The following TSPOAP1 variants were observed in gnomAD, a reference collection of about 807,000 sequenced individuals.
The protein encoded by TSPOAP1 is TSPO associated protein 1, also known as peripheral-type benzodiazepine receptor-associated protein 1.
TSPOAP1 carries 87 observed loss-of-function variants against 197.0 expected under a neutral mutation model. That is an observed-to-expected ratio of 0.44 (90% CI 0.37 to 0.53). The LOEUF (loss-of-function observed/expected upper bound fraction) is 0.53, where lower values mean the gene tolerates loss of function less well. Among genes scored for constraint, TSPOAP1 ranks in the 20% least tolerant of loss-of-function variants. The pLI is 0.00. For missense variants in TSPOAP1, 2,174 were observed against 2,411.3 expected, an observed-to-expected ratio of 0.90 and a Z score of 2.06; for synonymous variants, 913 against 998.9, an observed-to-expected ratio of 0.91 and a Z score of 1.62.
At position 58,311,639 on chromosome 17, in the gene TSPOAP1, T is replaced by C; in HGVS notation, c.3013A>G (p.Ile1005Val). ...ILIISWLPVT[I>V]DAAGTSNGVR... ...CCGTTGGATGTGCCAGCAGCATCGA[T>C]GGTGACTGGGAGCCAACTGATGATC... Residue 1005 changes from isoleucine to valine, a missense_variant, in exon 18 of 32, where the codon ATC (isoleucine) becomes GTC (valine). This residue lies in a region of TSPOAP1 where 1,933 missense variants were observed against 2,139.0 expected (regional missense o/e 0.90). Transcript: ENST00000343736. 2.5e-6 allele frequency: 4 copies of C among 1,611,290 alleles called. No individual in the cohort carries two copies. The highest frequency in any genetic ancestry group is 3.4e-6 in the Non-Finnish European group (4 of 1,178,218).
chr17:58,319,248 T>C lies in TSPOAP1; in HGVS notation c.1541A>G (p.Gln514Arg), dbSNP rs2072145. 71,491 of 1,598,572 alleles carry C rather than the reference T, an allele frequency of 0.045. 1,796 individuals carry two copies. Among genetic ancestry groups the C allele is most frequent in the East Asian group, 0.11 (4,896 of 43,818 alleles). ...GAGTTCCTGTGCCAGGAGGCTGAACTGCTCGGTTTGGCTGCGGCACTGTTC... is the reference window on the plus strand; with the variant it reads ...GAGTTCCTGTGCCAGGAGGCTGAACCGCTCGGTTTGGCTGCGGCACTGTTC... ...LEEQCRSQTE[Q>R]FSLLAQELQA... Residue 514 changes from glutamine to arginine, a missense_variant, in exon 13 of 32, where the codon CAG becomes CGG. Gln to Arg is a conservative substitution (Grantham distance 43). This residue lies in a region of TSPOAP1 where 1,933 missense variants were observed against 2,139.0 expected (regional missense o/e 0.90). Transcript: ENST00000343736.
chr17:58,318,269 C>A lies in TSPOAP1; in HGVS notation c.1872+11G>T. 1 of 1,613,670 alleles carries A rather than the reference C, an allele frequency of 6.2e-7. No homozygotes were observed. Among genetic ancestry groups the A allele is most frequent in the East Asian group, 2.2e-5 (1 of 44,878 alleles). On this transcript the variant is annotated intron_variant, in intron 14 of 31. Coordinates refer to ENST00000343736, the MANE Select transcript of TSPOAP1 (RefSeq NM_004758.4). ...CAAAGCCAGAACTTCAGGCCCCACC[C>A]CAGCAATTACCTCAGGTGTAGGGCA...
At chr17:58,321,990 G>A in intron 10 of TSPOAP1, 1 of 345,852 alleles carries the variant, frequency 2.9e-6, no homozygotes, top group Non-Finnish European at 5.3e-6. Flanking sequence ...GCATGTGCAT[G>A]TCTACACCTC....
chr17:58,321,262 G>A (rs1473223140), intron 10 of TSPOAP1, among the ~76,000 whole-genome samples: 7 of 151,880 alleles, frequency 4.6e-5, no homozygotes, highest in African/African-American at 1.5e-4. Flanking sequence ...TGTCAGAGAA[G>A]GGATTCAACT....
intron 16 of TSPOAP1, 63 bp from the exon 17 acceptor site, chr17:58,312,785 C>G: frequency 6.5e-6 from 9 of 1,394,074 alleles, no homozygotes; most frequent in Non-Finnish European, 8.8e-6. Flanking sequence ...AAAGAAAAAA[C>G]GGTATAATAA....
chr17:58,306,271 A>C (rs750646049), intron 26 of TSPOAP1, 71 bp downstream of exon 26: 1 of 1,406,004 alleles, frequency 7.1e-7, no homozygotes, highest in Non-Finnish European at 9.9e-7. Context: ...GAGAAAACAG[A>C]CAGCCAAGCA....
intron 10 of TSPOAP1, 74 bp from the exon 11 acceptor site, chr17:58,320,655 G>C: frequency 8.4e-7 from 1 of 1,197,110 alleles, no homozygotes. Context: ...CTGCGAGGGA[G>C]GAAGGGTAGA....
Position 58,307,930 on chromosome 17 carries a change from G to A in TSPOAP1, c.4743C>T (p.Thr1581=), listed in dbSNP as rs760643750. The change falls in exon 23 of 32, where the codon ACC becomes ACT. Residue 1581 remains threonine (T), a synonymous_variant. Coordinates refer to ENST00000343736, the MANE Select transcript of TSPOAP1 (RefSeq NM_004758.4). ...AGCCGTCCTGCCCTCTGGCCTCTCC[G>A]GTCTCTGTTGCCTGCAAAAAGAGGG... ...AKEPLSRATE[T]GEARGQDGSG... 10 of 1,611,848 alleles carry A rather than the reference G, an allele frequency of 6.2e-6. No individual in the cohort carries two copies. The highest frequency in any genetic ancestry group is 3.3e-5 in the Admixed American group (2 of 59,874).
rs779374199 is a variant in TSPOAP1, at chr17:58,312,228, G to A, written c.2593C>T (p.Arg865Trp). 69 of 1,612,636 alleles carry A rather than the reference G, an allele frequency of 4.3e-5. No individual in the cohort carries two copies. The highest frequency in any genetic ancestry group is 6.7e-5 in the Admixed American group (4 of 59,976). ...CAGCGCAGTGGGTCAGAGCTGCCCCGGCTAGTCAGGGCCTGGACAGAAATG... is the reference window on the plus strand; with the variant it reads ...CAGCGCAGTGGGTCAGAGCTGCCCCAGCTAGTCAGGGCCTGGACAGAAATG... ...LHISVQALTS[R>W]GSSDPLRCCL... Residue 865 changes from arginine to tryptophan, a missense_variant, in exon 17 of 32, where the codon CGG becomes TGG. Coordinates refer to ENST00000343736, the MANE Select transcript of TSPOAP1 (RefSeq NM_004758.4).
chr17:58,325,093 A>G, intron 4 of TSPOAP1, 91 bp from the exon 5 acceptor site: 7 of 1,196,502 alleles, frequency 5.9e-6, no homozygotes, highest in Non-Finnish European at 8.0e-6. Flanking sequence ...GCCTTGCTGG[A>G]GGGGCTCCGA....
At position 58,312,336 on chromosome 17, in the gene TSPOAP1, C is replaced by T. The variant is rs1467058768; in HGVS notation, c.2485G>A (p.Gly829Arg). Residue 829 changes from glycine to arginine, a missense_variant, in exon 17 of 32, where the codon GGG (glycine) becomes AGG (arginine). Physicochemically the swap from Gly to Arg is moderately radical, Grantham distance 125 (BLOSUM62 -2). Transcript: ENST00000343736. ...GGCCCCAGGGCCTGTCGCAGCTCCCCATTCACACAGATATGGAAGCCGTGT... is the reference window on the plus strand; with the variant it reads ...GGCCCCAGGGCCTGTCGCAGCTCCCTATTCACACAGATATGGAAGCCGTGT... Reference protein sequence around the residue: ...ELHGFHICVNGELRQALGPGA... With the variant: ...ELHGFHICVNRELRQALGPGA... 2 of 1,612,598 alleles carry T rather than the reference C, an allele frequency of 1.2e-6. No homozygotes were observed. The highest frequency in any genetic ancestry group is 1.7e-5 in the Admixed American group (1 of 59,970).
chr17:58,324,954 C>A lies in TSPOAP1; in HGVS notation c.799G>T (p.Glu267Ter). 6.5e-7 allele frequency: 1 copy of A among 1,539,914 alleles called. No individual in the cohort carries two copies. Among genetic ancestry groups the A allele is most frequent in the Non-Finnish European group, 8.7e-7 (1 of 1,144,708 alleles). ...HVRDFDRLLR[E>*]SQREVLRLQR... ...AGCCGCAGCACCTCCCGCTGGGACT[C>A]GCGCAGCAGCCGATCGAAGTCCCGC... Residue 267 changes from glutamate to a stop codon, truncating the protein, a stop_gained, in exon 5 of 32, where the codon GAG becomes TAG. Coordinates refer to ENST00000343736, the MANE Select transcript of TSPOAP1 (RefSeq NM_004758.4). LOFTEE classifies it high-confidence loss of function. The surrounding 1 kb of genome is among the most constrained non-coding windows in gnomAD (Gnocchi z 5.8).
At position 58,312,738 on chromosome 17, in the gene TSPOAP1, C is replaced by A; in HGVS notation, c.2099-16G>T. ...ATGAGCTCTCCTGGCAGGAGGAGGA[C>A]AGGAAGGGGCAGGGCAGGGGAAGAC... On this transcript the variant is annotated splice_polypyrimidine_tract_variant and intron_variant, in intron 16 of 31. Coordinates refer to ENST00000343736, the MANE Select transcript of TSPOAP1 (RefSeq NM_004758.4). 6.2e-7 allele frequency: 1 copy of A among 1,605,456 alleles called. No individual in the cohort carries two copies. The highest frequency in any genetic ancestry group is 2.2e-5 in the East Asian group (1 of 44,774).
chr17:58,328,344 G>A lies in TSPOAP1; in HGVS notation c.-424C>T. On this transcript the variant is annotated 5_prime_UTR_variant, in exon 1 of 32. Coordinates refer to ENST00000343736, the MANE Select transcript of TSPOAP1 (RefSeq NM_004758.4). This position sits in a 1 kb window ranked among gnomAD's most constrained non-coding sequence, Gnocchi z 4.3. ...TGTGTGTTGAGGGGGGTGGTGCTGTGTGTCACTGTCTGCCCATTTCAGAGT... is the reference window on the plus strand; with the variant it reads ...TGTGTGTTGAGGGGGGTGGTGCTGTATGTCACTGTCTGCCCATTTCAGAGT... The A allele has an allele frequency of 4.4e-6, 1 of 228,480 alleles. No individual in the cohort carries two copies. Among genetic ancestry groups the A allele is most frequent in the Non-Finnish European group, 8.9e-6 (1 of 112,266 alleles). The allele number at this position is 228,480 out of a possible 1,614,324, so 14.2% of individuals were successfully genotyped here.
intron 27 of TSPOAP1, 53 bp from the exon 28 acceptor site, chr17:58,305,696 A>C: frequency 7.3e-7 from 1 of 1,375,514 alleles, no homozygotes; most frequent in Non-Finnish European, 1.0e-6. Context: ...CCTACACCCC[A>C]TCCTGTCTTC....
intron 5 of TSPOAP1, among the ~76,000 whole-genome samples, chr17:58,323,941 G>A (rs1338099619): frequency 3.3e-5 from 5 of 152,182 alleles, no homozygotes; most frequent in Non-Finnish European, 5.9e-5. Context: ...CCGGGGATGT[G>A]GTGTTCCCCA....
chr17:58,307,826 C>T lies in TSPOAP1; in HGVS notation c.4831+16G>A. On this transcript the variant is annotated intron_variant, in intron 23 of 31. Transcript: ENST00000343736. ...CTGGCCGAGCAGCTCTAGCTCCAGC[C>T]CCATCAGGTGCTCACCTAGCTCTGC... The T allele has an allele frequency of 2.5e-6, 4 of 1,613,840 alleles. No individual in the cohort carries two copies. The highest frequency in any genetic ancestry group is 3.4e-6 in the Non-Finnish European group (4 of 1,179,956).
In TSPOAP1 at chr17:58,328,268, C is replaced by T. The variant is rs767145978; in HGVS notation, c.-348G>A. The stretch of plus-strand genomic sequence containing the variant: ...GCGTGTGTGTGTCTCCAGGTCTGTC[C>T]GTGCAGGTCAATGCTGTCTCATGTG... On this transcript the variant is annotated 5_prime_UTR_variant, in exon 1 of 32. Coordinates refer to ENST00000343736, the MANE Select transcript of TSPOAP1 (RefSeq NM_004758.4). The surrounding 1 kb of genome is among the most constrained non-coding windows in gnomAD (Gnocchi z 4.3). The T allele has an allele frequency of 2.9e-5, 10 of 349,152 alleles. No homozygotes were observed. Among genetic ancestry groups the T allele is most frequent in the Non-Finnish European group, 4.4e-5 (8 of 183,252 alleles). 21.6% of individuals were successfully genotyped at this position (349,152 alleles called of 1,614,324 possible).
chr17:58,307,434 TA>T, intron 24 of TSPOAP1, 176 bp downstream of exon 24: 1 of 793,342 alleles, frequency 1.3e-6, no homozygotes. Flanking sequence ...GGGGCCTAGG[TA>T]ATCTACTCAA....
Sources: allele counts gnomAD v4.1 joint callset (sites outside exome capture counted in the v4.1 genomes callset), GRCh38; gene constraint gnomAD v4.1.1; regional missense constraint gnomAD v4.1.1; non-coding constraint Gnocchi (gnomAD v3.1); transcripts MANE v1.5; gene names NCBI Gene and HGNC (gene_info 2026-07-23, HGNC 2026-07-21).